The following PPP2R2B variants were observed in gnomAD, a reference collection of about 807,000 sequenced individuals.
The protein encoded by PPP2R2B is protein phosphatase 2 regulatory subunit Bbeta.
PPP2R2B carries 5 observed loss-of-function variants against 46.0 expected under a neutral mutation model. The observed-to-expected ratio is 0.11, with a 90% CI of 0.06 to 0.23. PPP2R2B has a LOEUF of 0.23. PPP2R2B is among the 10% of genes least tolerant of loss of function. The pLI is 1.00. For synonymous variants in PPP2R2B, 215 were observed against 206.7 expected (o/e 1.04, Z -0.34); for missense variants, 367 against 575.0 (o/e 0.64, Z 3.70).
rs566388287 is a variant in PPP2R2B, at chr5:146,636,201, A to G, written c.790+2050T>C. ...AATGCTCTCAAATTACCTCCCACAT[A>G]CTAGAAACTGTGCTTCTCCAACCGG... On this transcript the variant is annotated intron_variant, in intron 7 of 9. Transcript: ENST00000394411. Among the ~76,000 whole-genome samples, 10 of 152,176 alleles carry G rather than the reference A, an allele frequency of 6.6e-5. No homozygotes were observed. In the East Asian group the frequency reaches 1.9e-3, roughly 29 times the overall value.
At chr5:146,893,360 T>C (rs550500516) in intron 1 of PPP2R2B, among the ~76,000 whole-genome samples, 1 of 152,312 alleles carries the variant, frequency 6.6e-6, no homozygotes, top group East Asian at 1.9e-4. Context: ...GATTAATAAA[T>C]GCATGGATTA....
chr5:146,772,383 C>CATATATATAT (rs33981708), intron 2 of PPP2R2B, among the ~76,000 whole-genome samples: 4 of 133,590 alleles, frequency 3.0e-5, no homozygotes, highest in Non-Finnish European at 4.7e-5. Context: ...ATAACTTGTG[C>CATATATATAT]ATATATATAT....
intron 1 of PPP2R2B, among the ~76,000 whole-genome samples, chr5:146,981,379 TA>T (rs1753171348): frequency 6.6e-6 from 1 of 152,160 alleles, no homozygotes; most frequent in Non-Finnish European, 1.5e-5. Flanking sequence ...TATAATGAGT[TA>T]TTTTTTTTTC....
rs534093138 is a variant in PPP2R2B at position 146,984,995 on chromosome 5, A to C, written c.79+70670T>G. Among the ~76,000 whole-genome samples the C allele has an allele frequency of 1.3e-4, 19 of 147,874 alleles. 1 individual carries two copies. In the South Asian group the frequency reaches 4.1e-3, roughly 32 times the overall value. ...GATATTAACCCTTTATCAGATGTATAGTTTGCAAATATTTTCTTTTTCTTT... is the reference window on the plus strand; with the variant it reads ...GATATTAACCCTTTATCAGATGTATCGTTTGCAAATATTTTCTTTTTCTTT... On this transcript the variant is annotated intron_variant, in intron 1 of 8. Transcript: ENST00000336640.
At chr5:146,778,025 G>T (rs968312009) in intron 2 of PPP2R2B, among the ~76,000 whole-genome samples, 5 of 152,112 alleles carry the variant, frequency 3.3e-5, no homozygotes, top group Non-Finnish European at 7.4e-5. Context: ...GGGTCTCAAA[G>T]GCCTTCCACT....
At chr5:146,729,360 A>T (rs1011194924) in intron 2 of PPP2R2B, among the ~76,000 whole-genome samples, 8 of 152,234 alleles carry the variant, frequency 5.3e-5, no homozygotes, top group African/African-American at 1.9e-4. Flanking sequence ...TAGTTTTAAA[A>T]GGGAAACAGA....
At chr5:146,822,144 G>T (rs1758300673) in intron 2 of PPP2R2B, among the ~76,000 whole-genome samples, 1 of 152,152 alleles carries the variant, frequency 6.6e-6, no homozygotes, top group Non-Finnish European at 1.5e-5. Flanking sequence ...TACAAGAAAA[G>T]AAAGTTCGTA....
In PPP2R2B at chr5:147,003,905, T is replaced by G. The variant is rs569786756; in HGVS notation, c.79+51760A>C. On this transcript the variant is annotated intron_variant, in intron 1 of 8. Coordinates refer to the PPP2R2B transcript ENST00000336640. The stretch of plus-strand genomic sequence containing the variant: ...TCCCCCAACTCACTCGAGGGTCAAT[T>G]GATTCTAAAAGATAAATTTATTACC... Among the ~76,000 whole-genome samples the G allele has an allele frequency of 2.0e-5, 3 of 152,216 alleles. No individual in the cohort carries two copies. In the South Asian group the frequency reaches 6.2e-4, roughly 32 times the overall value.
intron 1 of PPP2R2B, chr5:147,035,145 T>C: frequency 2.2e-6 from 1 of 455,352 alleles, no homozygotes; most frequent in Non-Finnish European, 4.4e-6. Context: ...GGGTAAATTA[T>C]AAAGAAAAGT....
intron 2 of PPP2R2B, among the ~76,000 whole-genome samples, chr5:147,075,794 C>T (rs1228487467): frequency 6.6e-6 from 1 of 152,142 alleles, no homozygotes; most frequent in Non-Finnish European, 1.5e-5. Flanking sequence ...TCTTCATCTG[C>T]ACCTTCTCCA....
intron 1 of PPP2R2B, among the ~76,000 whole-genome samples, chr5:146,886,410 T>A (rs1762329107): frequency 6.9e-6 from 1 of 145,428 alleles, no homozygotes; most frequent in South Asian, 2.2e-4. Flanking sequence ...GAGCAATAGC[T>A]ACGCAACTCT....
chr5:146,987,173 G>A (rs1753469984), intron 1 of PPP2R2B, among the ~76,000 whole-genome samples: 1 of 152,116 alleles, frequency 6.6e-6, no homozygotes, highest in Non-Finnish European at 1.5e-5. Context: ...CTTAAAACAT[G>A]AGAGAGATGT....
At chr5:146,715,913 T>C (rs896955540) in intron 2 of PPP2R2B, among the ~76,000 whole-genome samples, 5 of 152,148 alleles carry the variant, frequency 3.3e-5, no homozygotes, top group Non-Finnish European at 5.9e-5. Context: ...CAGTCTTCAC[T>C]TTTCCATCAT....
At chr5:146,683,803 T>C (rs1778322745) in intron 5 of PPP2R2B, among the ~76,000 whole-genome samples, 1 of 152,168 alleles carries the variant, frequency 6.6e-6, no homozygotes, top group African/African-American at 2.4e-5. Flanking sequence ...CCCATGACAC[T>C]GACAGATACA....
chr5:147,075,286 G>GT (rs1757730637), intron 2 of PPP2R2B, among the ~76,000 whole-genome samples: 1 of 152,132 alleles, frequency 6.6e-6, no homozygotes, highest in Non-Finnish European at 1.5e-5. Context: ...TTTTAAATGT[G>GT]TAAGTGTCTT....
upstream of PPP2R2B, among the ~76,000 whole-genome samples, chr5:147,059,591 A>C (rs1413225264): frequency 1.3e-5 from 2 of 152,204 alleles, no homozygotes; most frequent in African/African-American, 4.8e-5. Context: ...GAGAAAGGAA[A>C]GATAAAGGTG....
intron 2 of PPP2R2B, among the ~76,000 whole-genome samples, chr5:146,851,180 A>G (rs1760326741): frequency 6.6e-6 from 1 of 152,174 alleles, no homozygotes. Context: ...CCTGTCCCTC[A>G]GAGATCTGTT....
intron 1 of PPP2R2B, among the ~76,000 whole-genome samples, chr5:146,928,573 G>A (rs1422252724): frequency 1.3e-5 from 2 of 151,852 alleles, no homozygotes; most frequent in African/African-American, 2.4e-5. Flanking sequence ...TTCTTACCAC[G>A]GTCACTGCTA....
upstream of PPP2R2B, chr5:146,878,867 C>T: frequency 8.4e-7 from 1 of 1,185,272 alleles, no homozygotes; most frequent in East Asian, 4.2e-5. The surrounding 1 kb of genome is among the most constrained non-coding windows in gnomAD (Gnocchi z 4.5). Context: ...GAGGCTGCGG[C>T]TGCTCTTTGC....
Sources: gnomAD v4.1 joint callset for allele counts (sites outside exome capture counted in the v4.1 genomes callset) on GRCh38, gnomAD v4.1.1 for gene constraint, Gnocchi (gnomAD v3.1) non-coding constraint, MANE v1.5 for transcripts, NCBI Gene and HGNC (gene_info 2026-07-23, HGNC 2026-07-21) for gene names.